SRSF11: variants seen among roughly 807,000 people sequenced by gnomAD.
The protein encoded by SRSF11 is serine/arginine-rich splicing factor 11.
A neutral mutation model predicts 56.0 loss-of-function variants in SRSF11; 9 were observed. That is an observed-to-expected ratio of 0.16 (90% CI 0.10 to 0.28). The LOEUF is 0.28. Ranked by LOEUF, SRSF11 falls within the 10% of genes least tolerant of loss-of-function variation. The pLI, the probability that SRSF11 is intolerant of heterozygous loss-of-function variation, is 1.00. For missense variants in SRSF11, 421 were observed against 600.7 expected, an observed-to-expected ratio of 0.70 and a Z score of 3.13; for synonymous variants, 222 against 215.3, an observed-to-expected ratio of 1.03 and a Z score of -0.27.
intron 6 of SRSF11, among the ~76,000 whole-genome samples, chr1:70,238,921 C>G (rs1674706116): frequency 6.6e-6 from 1 of 152,068 alleles, no homozygotes; most frequent in Non-Finnish European, 1.5e-5. Flanking sequence ...TTGGATCTAC[C>G]AAAAGCTTGG....
At chr1:70,219,593 A>C (rs116741539), upstream of SRSF11, among the ~76,000 whole-genome samples, 1 of 152,234 alleles carries the variant, frequency 6.6e-6, no homozygotes, top group South Asian at 2.1e-4. Context: ...ACCATTTTAC[A>C]TAGGGGATTT....
intron 2 of SRSF11, 51 bp downstream of exon 2, chr1:70,228,606 CCTCAGTAGAT>C (rs1353471730): frequency 6.3e-7 from 1 of 1,585,044 alleles, no homozygotes; most frequent in East Asian, 2.3e-5. Flanking sequence ...TGACCATCTA[CCTCAGTAGAT>C]GTAGAGTGAG....
intron 3 of SRSF11, 29 bp downstream of exon 3, chr1:70,232,406 T>C: frequency 1.9e-6 from 3 of 1,558,044 alleles, no homozygotes; most frequent in Non-Finnish European, 2.6e-6. Flanking sequence ...TCTTAAAGGG[T>C]GGGGAAAAAA....
intron 5 of SRSF11, among the ~76,000 whole-genome samples, chr1:70,236,922 G>T (rs1371857761): frequency 6.7e-6 from 1 of 149,732 alleles, no homozygotes; most frequent in Non-Finnish European, 1.5e-5. Context: ...CGAATAGCTG[G>T]GACTACAGGC....
At position 70,231,846 on chromosome 1, in the gene SRSF11, G is replaced by A. The variant is rs1453848127; in HGVS notation, c.338-422G>A. The A allele has an allele frequency of 3.4e-6, 5 of 1,452,850 alleles. No homozygotes were observed. The East Asian group carries it at 1.5e-4, about 44-fold the overall frequency. The allele number at this position is 1,452,850 out of a possible 1,614,324, so 90.0% of individuals were successfully genotyped here. On this transcript the variant is annotated intron_variant, in intron 2 of 11. Transcript: ENST00000370949. Reference sequence around the variant, plus strand: ...TTGTCTTGTGTATCTTGATTTTTCTGTGTGCTTTATAGTGAAGCAGCCGAC... The same window carrying A: ...TTGTCTTGTGTATCTTGATTTTTCTATGTGCTTTATAGTGAAGCAGCCGAC...
In SRSF11 at chr1:70,242,226, T is replaced by G. The variant is rs683681; in HGVS notation, c.801-2458T>G. 6.0e-3 allele frequency among the ~76,000 whole-genome samples: 915 copies of G among 151,596 alleles called. 10 individuals carry two copies. Among genetic ancestry groups the G allele is most frequent in the African/African-American group, 0.021 (864 of 41,326 alleles). On this transcript the variant is annotated intron_variant, in intron 7 of 11. Transcript: ENST00000370949. ...TCTTTATATTAAATCTTACTGGGAC[T>G]CTCTCATTTTAATATTAATTACTTT... is the stretch of plus-strand genomic sequence containing the variant.
In SRSF11 at chr1:70,232,385, T is replaced by C. The variant is rs1462289989; in HGVS notation, c.447+8T>C. 6.3e-7 allele frequency: 1 copy of C among 1,594,364 alleles called. No homozygotes were observed. The highest frequency in any genetic ancestry group is 1.8e-5 in the Admixed American group (1 of 56,684). On this transcript the variant is annotated splice_region_variant and intron_variant, in intron 3 of 11. Transcript: ENST00000370949. ...CCTAACCCACTTACCCAGGTACTAGTTCTATTGAATTCTTAAAGGGTGGGG... is the reference window on the plus strand; with the variant it reads ...CCTAACCCACTTACCCAGGTACTAGCTCTATTGAATTCTTAAAGGGTGGGG...
chr1:70,225,897 A>G (rs1331811126), intron 1 of SRSF11, among the ~76,000 whole-genome samples: 3 of 152,226 alleles, frequency 2.0e-5, no homozygotes, highest in African/African-American at 7.2e-5. Context: ...AATTTCAGGC[A>G]TCAGTCCTCT....
intron 7 of SRSF11, among the ~76,000 whole-genome samples, chr1:70,242,503 C>G (rs1026619824): frequency 2.1e-5 from 3 of 139,598 alleles, no homozygotes; most frequent in Non-Finnish European, 4.6e-5. Context: ...AGGGTTTTGC[C>G]ATGTTGCCCA....
chr1:70,208,015 C>G (rs1208626254), intron 1 of SRSF11, among the ~76,000 whole-genome samples: 1 of 152,096 alleles, frequency 6.6e-6, no homozygotes, highest in African/African-American at 2.4e-5. Flanking sequence ...AGCAATCCTT[C>G]TATCTGGGGC....
intron 3 of SRSF11, among the ~76,000 whole-genome samples, chr1:70,232,645 C>T (rs1319896888): frequency 1.3e-5 from 2 of 152,184 alleles, no homozygotes; most frequent in East Asian, 3.9e-4. Flanking sequence ...TCTCCTGAGG[C>T]ATGAACACTT....
At chr1:70,237,790 C>T (rs1257406885) in intron 6 of SRSF11, among the ~76,000 whole-genome samples, 2 of 152,226 alleles carry the variant, frequency 1.3e-5, no homozygotes, top group East Asian at 1.9e-4. Context: ...CAACAAACAG[C>T]ACAGCCTTCC....
intron 1 of SRSF11, among the ~76,000 whole-genome samples, chr1:70,224,385 T>G (rs1469650356): frequency 6.6e-6 from 1 of 152,204 alleles, no homozygotes; most frequent in African/African-American, 2.4e-5. Context: ...CAGACCACCC[T>G]ATGTAAAATA....
At chr1:70,211,994 C>T (rs1296366941) in intron 1 of SRSF11, among the ~76,000 whole-genome samples, 3 of 152,170 alleles carry the variant, frequency 2.0e-5, no homozygotes, top group Non-Finnish European at 4.4e-5. Flanking sequence ...TCAATATCTC[C>T]AAGTGCTTTA....
chr1:70,215,555 T>G (rs1463588120), intron 1 of SRSF11, among the ~76,000 whole-genome samples: 1 of 152,178 alleles, frequency 6.6e-6, no homozygotes, highest in South Asian at 2.1e-4. Context: ...TAAATTGCCT[T>G]TTCTAGCCTC....
At chr1:70,250,092 G>T in intron 10 of SRSF11, 45 bp downstream of exon 10, 2 of 1,544,306 alleles carry the variant, frequency 1.3e-6, no homozygotes, top group East Asian at 4.5e-5. Context: ...ATTTTTCAGA[G>T]GTTTTTCATT....
Position 70,250,346 on chromosome 1 carries a change from C to T in SRSF11, c.1119-19C>T. 1 of 1,609,026 alleles carries T rather than the reference C, an allele frequency of 6.2e-7. No individual in the cohort carries two copies. Among genetic ancestry groups the T allele is most frequent in the Non-Finnish European group, 8.5e-7 (1 of 1,178,446 alleles). Reference sequence around the variant, plus strand: ...TAAACAAGTTAAACCTGTTGCTGTACATTTTACTGTCATTCTAGACATAAA... The same window carrying T: ...TAAACAAGTTAAACCTGTTGCTGTATATTTTACTGTCATTCTAGACATAAA... On this transcript the variant is annotated intron_variant, in intron 10 of 11. Coordinates refer to ENST00000370949, the MANE Select transcript of SRSF11 (RefSeq NM_001350605.2).
At chr1:70,213,135 T>G (rs1669716959) in intron 1 of SRSF11, among the ~76,000 whole-genome samples, 1 of 152,202 alleles carries the variant, frequency 6.6e-6, no homozygotes, top group Non-Finnish European at 1.5e-5. Flanking sequence ...ATTTGTTGGG[T>G]GCCTACGTGT....
intron 8 of SRSF11, among the ~76,000 whole-genome samples, chr1:70,245,606 G>A (rs1282874944): frequency 1.3e-5 from 2 of 152,172 alleles, no homozygotes; most frequent in African/African-American, 4.8e-5. Context: ...ATTGCTACTT[G>A]CTGATATTGG....
Sources: allele counts gnomAD v4.1 joint callset (sites outside exome capture counted in the v4.1 genomes callset), GRCh38; gene constraint gnomAD v4.1.1; transcripts MANE v1.5; gene names NCBI Gene and HGNC (gene_info 2026-07-23, HGNC 2026-07-21).